The following TRPM1 variants were observed in gnomAD, a reference collection of about 807,000 sequenced individuals.
TRPM1 encodes the protein transient receptor potential cation channel subfamily M member 1.
Under a neutral mutation model 149.4 loss-of-function variants are expected in TRPM1, and 113 were observed. The ratio of observed to expected loss-of-function variants is 0.76; its 90% CI spans 0.65 to 0.88. The LOEUF is 0.88. TRPM1 is among the 40% of genes least tolerant of loss of function. TRPM1 has a pLI of 0.00. For synonymous variants in TRPM1, 741 were observed against 759.5 expected (o/e 0.98, Z 0.40); for missense variants, 1,976 against 2,038.7 (o/e 0.97, Z 0.59).
intron 11 of TRPM1, among the ~76,000 whole-genome samples, chr15:31,054,638 G>A (rs2034037478): frequency 6.6e-6 from 1 of 151,834 alleles, no homozygotes; most frequent in Non-Finnish European, 1.5e-5. Context: ...AATTTTTTTT[G>A]CAAAGCTTTT....
At position 31,026,242 on chromosome 15, in the gene TRPM1, T is replaced by G; in HGVS notation, c.3526A>C (p.Arg1176=). The G allele has an allele frequency of 6.2e-7, 1 of 1,612,162 alleles. No homozygotes were observed. Among genetic ancestry groups the G allele is most frequent in the Non-Finnish European group, 8.5e-7 (1 of 1,180,028 alleles). The part of the protein sequence containing the change: ...KLFLSDEELK[R]LHEFEEQCVQ... ...CACTGCTCCTCGAACTCATGCAGCC[T>G]CTTTAGCTCCTCGTCGCTAAGGAAG... Residue 1176 remains arginine, a synonymous_variant, in exon 27 of 28, where the codon AGG becomes CGG. Coordinates refer to ENST00000256552, the MANE Select transcript of TRPM1 (RefSeq NM_001252024.2).
intron 17 of TRPM1, among the ~76,000 whole-genome samples, chr15:31,041,393 G>A (rs781442942): frequency 2.0e-5 from 3 of 152,000 alleles, no homozygotes; most frequent in African/African-American, 7.3e-5. Flanking sequence ...CTTGTGATCC[G>A]CCCACCTCGG....
At chr15:31,091,780 T>G (rs958079497) in intron 1 of TRPM1, among the ~76,000 whole-genome samples, 4 of 152,152 alleles carry the variant, frequency 2.6e-5, no homozygotes, top group African/African-American at 9.7e-5. Context: ...TAGATGAACG[T>G]TCCCACACAT....
intron 27 of TRPM1, among the ~76,000 whole-genome samples, chr15:31,013,276 T>G (rs2032249875): frequency 1.3e-5 from 2 of 152,042 alleles, no homozygotes; most frequent in South Asian, 4.1e-4. Flanking sequence ...CTCCCAAAGC[T>G]CTGGGATTAC....
chr15:31,062,427 A>T, intron 9 of TRPM1, 152 bp downstream of exon 9: 2 of 1,000,200 alleles, frequency 2.0e-6, no homozygotes, highest in Non-Finnish European at 3.0e-6. Flanking sequence ...TCATGTGGAC[A>T]CAGCCACCAA....
At chr15:31,079,981 TGGCTTTCTCTGGGGTCCCTTC>T (rs1208147676) in intron 2 of TRPM1, among the ~76,000 whole-genome samples, 1 of 152,186 alleles carries the variant, frequency 6.6e-6, no homozygotes, top group Admixed American at 6.5e-5. Context: ...GGGCTCCCAG[TGGCTTTCTCTGGGGTCCCTTC>T]AGCATGAAAA....
chr15:31,137,825 T>TAATA (rs955478226), intron 1 of TRPM1, among the ~76,000 whole-genome samples: 4 of 152,118 alleles, frequency 2.6e-5, no homozygotes, highest in Non-Finnish European at 4.4e-5. Context: ...CTCCAGGAAA[T>TAATA]AATACTCAAG....
intron 11 of TRPM1, among the ~76,000 whole-genome samples, chr15:31,052,375 C>T (rs2140943353): frequency 6.6e-6 from 1 of 152,334 alleles, no homozygotes; most frequent in African/African-American, 2.4e-5. Flanking sequence ...GCTGGGAAAA[C>T]TGGATATCCA....
Position 31,001,815 on chromosome 15 carries a change from A to G in TRPM1, c.*7T>C, listed in dbSNP as rs1023980120. 6.2e-7 allele frequency: 1 copy of G among 1,608,848 alleles called. No individual in the cohort carries two copies. Among genetic ancestry groups the G allele is most frequent in the African/African-American group, 1.3e-5 (1 of 74,938 alleles). On this transcript the variant is annotated 3_prime_UTR_variant, in exon 28 of 28. Transcript: ENST00000256552. ...GTTAAAAAAAAAAATTAAAGAAACA[A>G]AACAGACTAGCATTCAGTTTCTGTG...
chr15:31,023,966 TG>T (rs1286892218), intron 27 of TRPM1, among the ~76,000 whole-genome samples: 2 of 152,356 alleles, frequency 1.3e-5, no homozygotes, highest in Non-Finnish European at 2.9e-5. Flanking sequence ...ATTTGGTTTC[TG>T]CACAGAAGCA....
chr15:31,066,965 T>C, intron 6 of TRPM1, 98 bp downstream of exon 6: 1 of 1,516,594 alleles, frequency 6.6e-7, no homozygotes, highest in African/African-American at 1.4e-5. Flanking sequence ...GCAAGGGAGC[T>C]CTCTTATTAT....
chr15:31,055,997 G>A (rs1200109345), intron 11 of TRPM1, among the ~76,000 whole-genome samples: 1 of 152,142 alleles, frequency 6.6e-6, no homozygotes, highest in Admixed American at 6.5e-5. Context: ...TCTGTGAGAT[G>A]AAAATAGGCT....
In TRPM1 at chr15:31,050,452, A is replaced by C; in HGVS notation, c.1394T>G (p.Val465Gly). 1 of 1,613,322 alleles carries C rather than the reference A, an allele frequency of 6.2e-7. No homozygotes were observed. Among genetic ancestry groups the C allele is most frequent in the South Asian group, 1.1e-5 (1 of 91,024 alleles). Residue 465 changes from valine (V) to glycine (G), a missense_variant, in exon 12 of 28, where the codon GTG becomes GGG. Physicochemically the swap from Val to Gly is moderately radical, Grantham distance 109. This residue lies in a region of TRPM1 where 1,332 missense variants were observed against 1,347.1 expected (regional missense o/e 0.99). Coordinates refer to ENST00000256552, the MANE Select transcript of TRPM1 (RefSeq NM_001252024.2). ...CTTCCGGGGGTCAGTTTCTTCCTCC[A>C]CTTCCTCTTTCACTTTCCCTTTCTT... ...GKKKGKVKEE[V>G]EEETDPRKIE... is the part of the protein sequence containing the mutation.
intron 1 of TRPM1, among the ~76,000 whole-genome samples, chr15:31,135,143 A>G (rs2141046678): frequency 6.6e-6 from 1 of 152,302 alleles, no homozygotes; most frequent in Admixed American, 6.5e-5. Context: ...ATGAAGGGTG[A>G]AGGAGAAAAT....
At chr15:31,092,755 A>G (rs887996427) in intron 1 of TRPM1, among the ~76,000 whole-genome samples, 1 of 152,202 alleles carries the variant, frequency 6.6e-6, no homozygotes, top group Non-Finnish European at 1.5e-5. Flanking sequence ...GGTAGCATGT[A>G]CAAGTACATT....
At chr15:31,035,904 T>C in intron 20 of TRPM1, 2 of 596,464 alleles carry the variant, frequency 3.4e-6, no homozygotes, top group Non-Finnish European at 6.0e-6. Context: ...CTTTTCATTT[T>C]CTACATGGAG....
chr15:31,090,125 T>C (rs111582556), intron 1 of TRPM1, among the ~76,000 whole-genome samples: 1 of 152,190 alleles, frequency 6.6e-6, no homozygotes, highest in Non-Finnish European at 1.5e-5. Flanking sequence ...CCATGAACAC[T>C]GGTGCGTTCC....
At chr15:31,042,325 C>G (rs1325494278) in intron 16 of TRPM1, 82 bp from the exon 17 acceptor site, 2 of 1,444,138 alleles carry the variant, frequency 1.4e-6, no homozygotes, top group African/African-American at 2.8e-5. Context: ...GAAAGGGAAC[C>G]CTTTCTGTCA....
chr15:31,068,744 C>CAAAAAAAA (rs60411633), intron 4 of TRPM1, among the ~76,000 whole-genome samples: 50 of 60,208 alleles, frequency 8.3e-4, no homozygotes, highest in South Asian at 1.6e-3. Context: ...AACTCCAACT[C>CAAAAAAAA]AAAAAAAAAA....
Sources: gnomAD v4.1 joint callset for allele counts (sites outside exome capture counted in the v4.1 genomes callset) on GRCh38, gnomAD v4.1.1 for gene constraint, gnomAD v4.1.1 regional missense constraint, MANE v1.5 for transcripts, NCBI Gene and HGNC (gene_info 2026-07-23, HGNC 2026-07-21) for gene names.